The following PHLDB2 variants were observed in gnomAD, a reference collection of about 807,000 sequenced individuals.
The protein encoded by PHLDB2 is pleckstrin homology-like domain family B member 2.
A neutral mutation model predicts 123.6 loss-of-function variants in PHLDB2; 71 were observed. The ratio of observed to expected loss-of-function variants is 0.57; its 90% CI spans 0.47 to 0.70. PHLDB2 has a LOEUF of 0.70. Ranked by LOEUF, PHLDB2 falls within the 30% of genes least tolerant of loss-of-function variation. PHLDB2 has a pLI of 0.00. For synonymous variants in PHLDB2, 547 were observed against 541.6 expected (o/e 1.01, Z -0.14); for missense variants, 1,446 against 1,519.5 (o/e 0.95, Z 0.80).
Position 111,913,494 on chromosome 3 carries a change from C to T in PHLDB2, c.1511C>T (p.Thr504Ile). Residue 504 changes from threonine (T) to isoleucine (I), a missense_variant, in exon 3 of 18, where the codon ACA (threonine) becomes ATA (isoleucine). Thr to Ile is a moderately conservative substitution (Grantham distance 89). Around this residue, in one of 3 missense-constraint regions of PHLDB2, gnomAD observed 832 missense variants for 831.9 expected, o/e 1.00. Transcript: ENST00000431670. ...GAGGAAGCCCTCATGAGCCCTGACA[C>T]AAGATACAGGTGCCACCGGAAAGAC... ...VFEEALMSPD[T>I]RYRCHRKDSL... 6.2e-7 allele frequency: 1 copy of T among 1,614,080 alleles called. No individual in the cohort carries two copies. The highest frequency in any genetic ancestry group is 8.5e-7 in the Non-Finnish European group (1 of 1,179,986).
chr3:111,956,591 A>G (rs979702399), intron 12 of PHLDB2, among the ~76,000 whole-genome samples: 1 of 152,188 alleles, frequency 6.6e-6, no homozygotes, highest in Non-Finnish European at 1.5e-5. Flanking sequence ...GAAGAGTTTC[A>G]TGTAATTCTG....
chr3:111,893,758 C>CAAA (rs35372627), intron 2 of PHLDB2, among the ~76,000 whole-genome samples: 7 of 136,602 alleles, frequency 5.1e-5, no homozygotes, highest in Non-Finnish European at 4.7e-5. Context: ...TTAAGGTAAG[C>CAAA]AAAAAAAAAA....
At chr3:111,808,596 GTCAC>G (rs372996536) in intron 1 of PHLDB2, among the ~76,000 whole-genome samples, 11 of 151,772 alleles carry the variant, frequency 7.2e-5, no homozygotes, top group African/African-American at 2.2e-4. Context: ...GGATGATCCT[GTCAC>G]TCAGGTAGTG....
Position 111,971,291 on chromosome 3 carries a change from C to T in PHLDB2, c.3535+1382C>T, listed in dbSNP as rs116758659. On this transcript the variant is annotated intron_variant, in intron 16 of 17. Coordinates refer to ENST00000431670, the MANE Select transcript of PHLDB2 (RefSeq NM_001134438.2). ...AACTGCTTCACTCTTCTTCTGTGCT[C>T]CTGTTCTCTGTGAGCCTTATTTCAT... Among the ~76,000 whole-genome samples the T allele has an allele frequency of 4.2e-3, 643 of 152,282 alleles. 4 individuals carry two copies. Among genetic ancestry groups the T allele is most frequent in the African/African-American group, 0.013 (558 of 41,558 alleles).
chr3:111,884,551 T>C lies in PHLDB2; in HGVS notation c.474T>C (p.His158=), dbSNP rs764672070. The C allele has an allele frequency of 8.1e-6, 13 of 1,614,138 alleles. No individual in the cohort carries two copies. The African/African-American group carries it at 1.2e-4, about 15-fold the overall frequency. Reference sequence around the variant, plus strand: ...AATATAGCTCAAGGCATAAATCGCATGACAATGTCTACTCTCTTGGAGGGC... The same window carrying C: ...AATATAGCTCAAGGCATAAATCGCACGACAATGTCTACTCTCTTGGAGGGC... ...YSKYSSRHKS[H]DNVYSLGGLE... is the part of the protein sequence containing the mutation. Residue 158 remains histidine (H), a synonymous_variant, in exon 2 of 18, where the codon CAT becomes CAC. Coordinates refer to ENST00000431670, the MANE Select transcript of PHLDB2 (RefSeq NM_001134438.2).
Position 111,920,372 on chromosome 3 carries a change from C to T in PHLDB2, c.1954C>T (p.Arg652Trp), listed in dbSNP as rs373785918. 3.2e-5 allele frequency: 52 copies of T among 1,613,594 alleles called. No homozygotes were observed. The highest frequency in any genetic ancestry group is 2.0e-4 in the Admixed American group (12 of 59,950). ...GAAGGAGATTTTGGATCATCTAAAC[C>T]GGAAAATAGCTGAACTGGAAAAGAA... is the stretch of plus-strand genomic sequence containing the variant. ...KEKEILDHLN[R>W]KIAELEKNIV... The change falls in exon 5 of 18, where the codon CGG becomes TGG. Residue 652 changes from arginine (R) to tryptophan (W), a missense_variant. Arg to Trp is a moderately radical substitution (Grantham distance 101, BLOSUM62 -3). This residue lies in a region of PHLDB2 where 832 missense variants were observed against 831.9 expected (regional missense o/e 1.00). Transcript: ENST00000431670.
intron 1 of PHLDB2, among the ~76,000 whole-genome samples, chr3:111,748,461 T>G (rs1256601511): frequency 2.0e-5 from 3 of 152,174 alleles, no homozygotes; most frequent in African/African-American, 7.2e-5. Context: ...CCATTTCACT[T>G]GGTGACCCTG....
At chr3:111,926,920 T>A (rs1175351146) in intron 5 of PHLDB2, among the ~76,000 whole-genome samples, 1 of 152,082 alleles carries the variant, frequency 6.6e-6, no homozygotes, top group African/African-American at 2.4e-5. Context: ...TAATCTGTGT[T>A]ACCTCTATGA....
chr3:111,791,484 C>G (rs905105144), intron 1 of PHLDB2, among the ~76,000 whole-genome samples: 2 of 152,164 alleles, frequency 1.3e-5, no homozygotes, highest in African/African-American at 4.8e-5. Flanking sequence ...CAATTTGTCA[C>G]GGGGTAGATA....
intron 1 of PHLDB2, among the ~76,000 whole-genome samples, chr3:111,867,854 G>A (rs1445474953): frequency 6.6e-6 from 1 of 151,532 alleles, no homozygotes; most frequent in African/African-American, 2.4e-5. Context: ...GGCTTGTGCC[G>A]CCATGCCTGG....
Position 111,783,536 on chromosome 3 carries a change from A to C in PHLDB2, c.-49+50833A>C, listed in dbSNP as rs571793919. ...ACAAAACAAAAACTCATCACCTTTA[A>C]ATGTGTTCAAATCTCCAGGTCCAGA... On this transcript the variant is annotated intron_variant, in intron 1 of 17. Coordinates refer to the PHLDB2 transcript ENST00000393923. 1.5e-3 allele frequency among the ~76,000 whole-genome samples: 230 copies of C among 152,260 alleles called. 1 individual carries two copies. The highest frequency in any genetic ancestry group is 2.7e-3 in the Non-Finnish European group (182 of 67,984).
At chr3:111,902,333 T>C (rs963084512) in intron 2 of PHLDB2, among the ~76,000 whole-genome samples, 4 of 152,134 alleles carry the variant, frequency 2.6e-5, no homozygotes, top group African/African-American at 9.7e-5. Flanking sequence ...AGCTCATGCC[T>C]GTAAATGCCA....
At chr3:111,885,679 A>C (rs531075562) in intron 2 of PHLDB2, 5 of 637,676 alleles carry the variant, frequency 7.8e-6, no homozygotes, top group Admixed American at 2.7e-5. Flanking sequence ...CTTTAAAAAC[A>C]TAACAGAGGA....
At chr3:111,961,496 T>G (rs1296430879) in intron 12 of PHLDB2, among the ~76,000 whole-genome samples, 1 of 152,098 alleles carries the variant, frequency 6.6e-6, no homozygotes, top group East Asian at 1.9e-4. Flanking sequence ...TTGGAAGGAA[T>G]GTTGACTCTG....
intron 8 of PHLDB2, among the ~76,000 whole-genome samples, chr3:111,943,757 G>A (rs2070079661): frequency 6.6e-6 from 1 of 152,080 alleles, no homozygotes; most frequent in South Asian, 2.1e-4. Flanking sequence ...AGAATATGAA[G>A]CAACTAGAAC....
Position 111,830,953 on chromosome 3 carries a change from A to AAGAGAGAGAGAG in PHLDB2, c.-48-14863_-48-14862insGAGAGAGAGAGA, listed in dbSNP as rs199823136. Among the ~76,000 whole-genome samples the AAGAGAGAGAGAG allele has an allele frequency of 3.2e-4, 27 of 84,698 alleles. 1 individual carries two copies. The highest frequency in any genetic ancestry group is 4.2e-4 in the South Asian group (1 of 2,380). The allele number at this position is 84,698 out of a possible 152,430, so 55.6% of individuals were successfully genotyped here. A position where few individuals can be genotyped will look rare whatever the true frequency, so the allele number is the denominator to read the frequency against. Reference sequence around the variant, plus strand: ...AAGAAAGAAAAGAAGGAAAGAAAGAAAGAGAAAGAAAGAAAGAAAGAAAGA... The same window carrying AAGAGAGAGAGAG: ...AAGAAAGAAAAGAAGGAAAGAAAGAAAGAGAGAGAGAGAGAGAAAGAAAGAAAGAAAGAAAGA... On this transcript the variant is annotated intron_variant, in intron 1 of 17. Transcript: ENST00000393923.
Position 111,975,524 on chromosome 3 carries a change from CAT to C in PHLDB2, c.*963_*964del, listed in dbSNP as rs1337876789. 1 of 152,190 alleles carries C rather than the reference CAT, an allele frequency of 6.6e-6. No individual in the cohort carries two copies. The highest frequency in any genetic ancestry group is 1.5e-5 in the Non-Finnish European group (1 of 68,012). The allele number at this position is 152,190 out of a possible 1,614,324, so 9.4% of individuals were successfully genotyped here. A position where few individuals can be genotyped will look rare whatever the true frequency, so the allele number is the denominator to read the frequency against. On this transcript the variant is annotated 3_prime_UTR_variant, in exon 18 of 18. Transcript: ENST00000431670. Reference sequence around the variant, plus strand: ...TGCTCCCTCAACATAACTATGAAATCATAGCTCTGTTTTCACCAAAGAACAGA... The same window carrying C: ...TGCTCCCTCAACATAACTATGAAATCAGCTCTGTTTTCACCAAAGAACAGA...
Position 111,884,768 on chromosome 3 carries a change from T to C in PHLDB2, c.691T>C (p.Ser231Pro). 1 of 1,614,084 alleles carries C rather than the reference T, an allele frequency of 6.2e-7. No individual in the cohort carries two copies. The highest frequency in any genetic ancestry group is 2.2e-5 in the East Asian group (1 of 44,870). ...GTTAACTAGACACAAGGAGCTTGCA[T>C]CTGAAAACATCAATTTGAGAACTAG... Reference protein sequence around the residue: ...PKLTRHKELASENINLRTRKY... With the variant: ...PKLTRHKELAPENINLRTRKY... Residue 231 changes from serine (S) to proline (P), a missense_variant, in exon 2 of 18, where the codon TCT becomes CCT. Around this residue, in one of 3 missense-constraint regions of PHLDB2, gnomAD observed 832 missense variants for 831.9 expected, o/e 1.00. Coordinates refer to ENST00000431670, the MANE Select transcript of PHLDB2 (RefSeq NM_001134438.2).
At chr3:111,851,587 C>A (rs991518827) in intron 2 of PHLDB2, among the ~76,000 whole-genome samples, 3 of 152,136 alleles carry the variant, frequency 2.0e-5, no homozygotes, top group Non-Finnish European at 4.4e-5. Context: ...AAGTAGAGTG[C>A]GGCTTTATTA....
Sources: gnomAD v4.1 joint callset for allele counts (sites outside exome capture counted in the v4.1 genomes callset) on GRCh38, gnomAD v4.1.1 for gene constraint, gnomAD v4.1.1 regional missense constraint, MANE v1.5 for transcripts, NCBI Gene and HGNC (gene_info 2026-07-23, HGNC 2026-07-21) for gene names.